TMEM132D: variants seen among roughly 807,000 people sequenced by gnomAD.
TMEM132D encodes transmembrane protein 132D.
Under a neutral mutation model 62.3 loss-of-function variants are expected in TMEM132D, and 21 were observed. The observed-to-expected ratio is 0.34, with a 90% CI of 0.24 to 0.49. The LOEUF (loss-of-function observed/expected upper bound fraction) is 0.49, where lower values mean the gene tolerates loss of function less well. Ranked by LOEUF, TMEM132D falls within the 20% of genes least tolerant of loss-of-function variation. The pLI is 0.99. For missense variants in TMEM132D, 1,346 were observed against 1,402.8 expected (o/e 0.96, Z 0.65); for synonymous variants, 621 against 575.6 (o/e 1.08, Z -1.13).
chr12:129,887,796 C>T lies in TMEM132D; in HGVS notation c.79+15465G>A, dbSNP rs181063309. Among the ~76,000 whole-genome samples, 785 of 152,160 alleles carry T rather than the reference C, an allele frequency of 5.2e-3. 8 individuals are homozygous for T. The highest frequency in any genetic ancestry group is 0.018 in the African/African-American group (746 of 41,506). The stretch of plus-strand genomic sequence containing the variant: ...TCAGCATATCTAGGAAATCATTGTC[C>T]TCATTGTCTTAGGGTTGCATTTATC... On this transcript the variant is annotated intron_variant, in intron 1 of 8. Transcript: ENST00000422113.
intron 3 of TMEM132D, among the ~76,000 whole-genome samples, chr12:129,362,673 G>A (rs1165146329): frequency 6.6e-6 from 1 of 151,918 alleles, no homozygotes; most frequent in Non-Finnish European, 1.5e-5. Flanking sequence ...CAGACTGTTC[G>A]AGATCACATC....
chr12:129,084,799 A>G, intron 5 of TMEM132D, 97 bp from the exon 6 acceptor site: 1 of 1,215,530 alleles, frequency 8.2e-7, no homozygotes, highest in South Asian at 1.5e-5. Context: ...TGGCTGGTGG[A>G]GGTGCTTCCC....
intron 3 of TMEM132D, among the ~76,000 whole-genome samples, chr12:129,407,677 C>T (rs376977397): frequency 3.9e-5 from 6 of 151,996 alleles, no homozygotes; most frequent in East Asian, 3.9e-4. Context: ...GAGACCGAGG[C>T]AGGCGGATCA....
At chr12:129,716,200 A>G (rs1158144267) in intron 1 of TMEM132D, among the ~76,000 whole-genome samples, 1 of 152,106 alleles carries the variant, frequency 6.6e-6, no homozygotes, top group African/African-American at 2.4e-5. Context: ...TTTGAGTGCA[A>G]TTTTAAAGAG....
At chr12:129,635,361 A>G (rs999486706) in intron 2 of TMEM132D, among the ~76,000 whole-genome samples, 1 of 152,252 alleles carries the variant, frequency 6.6e-6, no homozygotes, top group Non-Finnish European at 1.5e-5. Context: ...ACAAACAACA[A>G]ACAGACAAAA....
chr12:129,776,443 T>C (rs1870925125), intron 1 of TMEM132D, among the ~76,000 whole-genome samples: 1 of 102,524 alleles, frequency 9.8e-6, no homozygotes. Flanking sequence ...TTGTCAAATA[T>C]TCATTGTCAC....
chr12:129,343,287 A>G (rs1259780965), intron 3 of TMEM132D, among the ~76,000 whole-genome samples: 3 of 152,150 alleles, frequency 2.0e-5, no homozygotes, highest in African/African-American at 7.2e-5. Context: ...GGACATGGAT[A>G]AAGCTGGAAA....
intron 3 of TMEM132D, among the ~76,000 whole-genome samples, chr12:129,464,711 CCATTTATTAAATAGGGAATCCTTTCCT>C: frequency 6.6e-6 from 1 of 152,244 alleles, no homozygotes; most frequent in South Asian, 2.1e-4. Context: ...TTTCCCAGCA[CCATTTATTAAATAGGGAATCCTTTCCT>C]CATTGCTTGT....
intron 1 of TMEM132D, among the ~76,000 whole-genome samples, chr12:129,718,408 C>G (rs1446897598): frequency 6.6e-6 from 1 of 152,240 alleles, no homozygotes; most frequent in Non-Finnish European, 1.5e-5. Context: ...ACAAAACATT[C>G]ACGTCTGGTG....
intron 2 of TMEM132D, among the ~76,000 whole-genome samples, chr12:129,651,040 T>C (rs559726623): frequency 6.6e-6 from 1 of 152,306 alleles, no homozygotes; most frequent in South Asian, 2.1e-4. Context: ...CTGACTGTGG[T>C]GTTCCTTATC....
chr12:129,141,991 TAAC>T lies in TMEM132D; in HGVS notation c.1444-57292_1444-57290del, dbSNP rs908158794. Among the ~76,000 whole-genome samples the T allele has an allele frequency of 4.1e-5, 6 of 147,844 alleles. No individual in the cohort carries two copies. The South Asian group carries it at 8.4e-4, about 21-fold the overall frequency. On this transcript the variant is annotated intron_variant, in intron 5 of 8. Coordinates refer to ENST00000422113, the MANE Select transcript of TMEM132D (RefSeq NM_133448.3). Reference sequence around the variant, plus strand: ...TATTTATAAAGTATTAGATAATATATAACAATATTAAATATATATATAAATATA... The same window carrying T: ...TATTTATAAAGTATTAGATAATATATAATATTAAATATATATATAAATATA...
intron 3 of TMEM132D, among the ~76,000 whole-genome samples, chr12:129,462,587 C>T (rs1049098545): frequency 2.0e-5 from 3 of 152,190 alleles, no homozygotes; most frequent in Non-Finnish European, 2.9e-5. Context: ...CACACTACCA[C>T]TCTGACAGCC....
chr12:129,744,379 T>C (rs1458852676), intron 1 of TMEM132D, among the ~76,000 whole-genome samples: 2 of 152,208 alleles, frequency 1.3e-5, no homozygotes, highest in Non-Finnish European at 2.9e-5. Flanking sequence ...CAAAGATTCC[T>C]GTTTAGTTAT....
At chr12:129,890,293 C>T (rs1309769800) in intron 1 of TMEM132D, among the ~76,000 whole-genome samples, 1 of 152,162 alleles carries the variant, frequency 6.6e-6, no homozygotes, top group Non-Finnish European at 1.5e-5. Context: ...ATGGGATCCG[C>T]CCTGCTTACA....
intron 3 of TMEM132D, 52 bp downstream of exon 3, chr12:129,531,007 C>G (rs140412638): frequency 4.0e-6 from 4 of 999,112 alleles, no homozygotes; most frequent in South Asian, 4.9e-5. Context: ...AAAAAAAAAT[C>G]AGGCCACATT....
chr12:129,273,905 A>C (rs1880930458), intron 4 of TMEM132D, among the ~76,000 whole-genome samples: 1 of 151,472 alleles, frequency 6.6e-6, no homozygotes, highest in African/African-American at 2.4e-5. Flanking sequence ...GCTGAACTTA[A>C]AACAAAAGTT....
intron 3 of TMEM132D, among the ~76,000 whole-genome samples, chr12:129,495,792 A>G (rs1874936775): frequency 6.6e-6 from 1 of 152,114 alleles, no homozygotes; most frequent in Non-Finnish European, 1.5e-5. Context: ...TGTCTCTATC[A>G]GCGCCTGAAG....
Position 129,221,279 on chromosome 12 carries a change from C to G in TMEM132D, c.1300-11616G>C, listed in dbSNP as rs150890873. ...CCTCCATTAGCCTGGTTACCTGAGT[C>G]ACACGTGGAGAAGAGCTTCCTCCTG... is the stretch of plus-strand genomic sequence containing the variant. On this transcript the variant is annotated intron_variant, in intron 4 of 8. Coordinates refer to ENST00000422113, the MANE Select transcript of TMEM132D (RefSeq NM_133448.3). 2.4e-3 allele frequency among the ~76,000 whole-genome samples: 370 copies of G among 152,290 alleles called. 4 individuals are homozygous for G. The highest frequency in any genetic ancestry group is 8.5e-3 in the African/African-American group (354 of 41,570).
At chr12:129,166,221 G>A (rs562312578) in intron 5 of TMEM132D, among the ~76,000 whole-genome samples, 21 of 152,300 alleles carry the variant, frequency 1.4e-4, no homozygotes, top group Non-Finnish European at 2.4e-4. Context: ...GGATGCACCC[G>A]ATGGGACCTG....
Sources: allele counts gnomAD v4.1 joint callset (sites outside exome capture counted in the v4.1 genomes callset), GRCh38; gene constraint gnomAD v4.1.1; transcripts MANE v1.5; gene names NCBI Gene and HGNC (gene_info 2026-07-23, HGNC 2026-07-21).